The following RNGTT variants were observed in gnomAD, a reference collection of about 807,000 sequenced individuals.
The protein encoded by RNGTT is RNA guanylyltransferase and 5'-phosphatase, also known as mRNA-capping enzyme.
Under a neutral mutation model 79.3 loss-of-function variants are expected in RNGTT, and 33 were observed. The observed-to-expected ratio is 0.42, with a 90% confidence interval of 0.32 to 0.56. RNGTT has a LOEUF of 0.56. RNGTT is among the 20% of genes least tolerant of loss of function. The pLI is 0.17. For synonymous variants in RNGTT, 222 were observed against 235.9 expected (o/e 0.94, Z 0.54); for missense variants, 497 against 739.1 (o/e 0.67, Z 3.80).
chr6:88,897,978 C>T (rs1157712560), intron 6 of RNGTT, among the ~76,000 whole-genome samples: 2 of 152,088 alleles, frequency 1.3e-5, no homozygotes, highest in African/African-American at 4.8e-5. Flanking sequence ...AAAGAGAGCA[C>T]AAGAAAGCCT....
chr6:88,875,044 C>CT (rs1339646063), intron 8 of RNGTT, among the ~76,000 whole-genome samples: 1 of 151,928 alleles, frequency 6.6e-6, no homozygotes, highest in Non-Finnish European at 1.5e-5. Context: ...CCTCTAGTGT[C>CT]TTGTATTGTC....
intron 14 of RNGTT, among the ~76,000 whole-genome samples, chr6:88,617,380 C>T (rs142741778): frequency 6.7e-4 from 102 of 152,316 alleles, no homozygotes; most frequent in African/African-American, 2.4e-3. Context: ...GGTAGGGGTT[C>T]AACTTCATTC....
intron 8 of RNGTT, among the ~76,000 whole-genome samples, chr6:88,885,169 C>T (rs1274867484): frequency 6.6e-6 from 1 of 151,912 alleles, no homozygotes; most frequent in Non-Finnish European, 1.5e-5. Context: ...TCTGAGAGGG[C>T]CTAGAAGAAA....
chr6:88,727,893 C>G (rs1223030570), intron 13 of RNGTT, among the ~76,000 whole-genome samples: 1 of 152,166 alleles, frequency 6.6e-6, no homozygotes, highest in Middle Eastern at 3.2e-3. Flanking sequence ...GGTACCACCC[C>G]TAGAATTTCC....
chr6:88,645,900 C>G (rs1282420522), intron 14 of RNGTT, among the ~76,000 whole-genome samples: 1 of 152,172 alleles, frequency 6.6e-6, no homozygotes, highest in African/African-American at 2.4e-5. Context: ...CATAAAAACC[C>G]TAGAAGAAAA....
intron 8 of RNGTT, among the ~76,000 whole-genome samples, chr6:88,885,396 C>T (rs1782824047): frequency 6.6e-6 from 1 of 152,168 alleles, no homozygotes; most frequent in Non-Finnish European, 1.5e-5. Flanking sequence ...TCAAATGAGA[C>T]ATTTGGAGCA....
chr6:88,959,400 T>C (rs892962034), intron 1 of RNGTT, among the ~76,000 whole-genome samples: 7 of 152,184 alleles, frequency 4.6e-5, no homozygotes, highest in Admixed American at 3.9e-4. Flanking sequence ...GATCTCTATT[T>C]GAGCAATCAG....
At chr6:88,829,268 G>T (rs1197800003) in intron 11 of RNGTT, among the ~76,000 whole-genome samples, 1 of 152,090 alleles carries the variant, frequency 6.6e-6, no homozygotes, top group African/African-American at 2.4e-5. Flanking sequence ...TTCATATCCA[G>T]CCAACTAAGC....
intron 4 of RNGTT, among the ~76,000 whole-genome samples, chr6:88,925,205 G>A (rs1472639270): frequency 6.6e-6 from 1 of 152,066 alleles, no homozygotes; most frequent in Non-Finnish European, 1.5e-5. Context: ...CTTATTAGAT[G>A]CATGACCATG....
intron 2 of RNGTT, among the ~76,000 whole-genome samples, chr6:88,930,302 C>T (rs1784479251): frequency 6.7e-6 from 1 of 149,914 alleles, no homozygotes; most frequent in African/African-American, 2.5e-5. Flanking sequence ...TGAAAATATA[C>T]TGAAGCCTCA....
rs1778299446 is a variant in RNGTT at position 88,762,418 on chromosome 6, A to T, written c.1439+7356T>A. Among the ~76,000 whole-genome samples the T allele has an allele frequency of 2.0e-5, 3 of 152,214 alleles. No individual in the cohort carries two copies. The South Asian group carries it at 6.2e-4, about 32-fold the overall frequency. ...CATCAGAGATTTAGAATGATTTTTG[A>T]TTATCATAAATTTAATCATGTTAAA... On this transcript the variant is annotated intron_variant, in intron 13 of 15. Transcript: ENST00000369485.
chr6:88,656,018 A>C (rs1305252143), intron 14 of RNGTT, among the ~76,000 whole-genome samples: 2 of 152,238 alleles, frequency 1.3e-5, no homozygotes, highest in African/African-American at 4.8e-5. Context: ...GTAAACTATT[A>C]AACTAGAACA....
At chr6:88,691,370 T>TATAAATTACCC (rs397770681) in intron 13 of RNGTT, among the ~76,000 whole-genome samples, 1 of 152,054 alleles carries the variant, frequency 6.6e-6, no homozygotes, top group Non-Finnish European at 1.5e-5. Context: ...TACACCTCTT[T>TATAAATTACCC]ATAAATTACC....
intron 11 of RNGTT, among the ~76,000 whole-genome samples, chr6:88,807,493 CG>C (rs1226240427): frequency 6.6e-6 from 1 of 151,792 alleles, no homozygotes; most frequent in Non-Finnish European, 1.5e-5. Flanking sequence ...AAAGAAGAAA[CG>C]TACGTGGCAC....
intron 13 of RNGTT, among the ~76,000 whole-genome samples, chr6:88,695,191 C>T (rs1775619346): frequency 6.6e-6 from 1 of 152,102 alleles, no homozygotes; most frequent in African/African-American, 2.4e-5. Context: ...TAAAAACCTT[C>T]TGCACAGCAA....
chr6:88,845,691 T>C (rs1480873707), intron 10 of RNGTT, among the ~76,000 whole-genome samples: 2 of 152,190 alleles, frequency 1.3e-5, no homozygotes, highest in African/African-American at 4.8e-5. Flanking sequence ...CTTGGGGATG[T>C]CTTTTTCTCA....
chr6:88,735,227 G>A (rs1020515020), intron 13 of RNGTT, among the ~76,000 whole-genome samples: 3 of 152,096 alleles, frequency 2.0e-5, no homozygotes, highest in Admixed American at 2.0e-4. Context: ...CCACTGTTAT[G>A]TAGCTAGAAA....
rs1247043656 is a variant in RNGTT, at chr6:88,781,714, C to G, written c.1339-11840G>C. On this transcript the variant is annotated intron_variant, in intron 12 of 15. Transcript: ENST00000369485. ...TTATTCATTAGTACCCTAAAGGCAG[C>G]CTAAAGTTTTAAATCTAAAACTGAA... is the stretch of plus-strand genomic sequence containing the variant. 9.2e-5 allele frequency among the ~76,000 whole-genome samples: 14 copies of G among 152,180 alleles called. No individual in the cohort carries two copies. In the East Asian group the frequency reaches 2.5e-3, roughly 27 times the overall value.
At chr6:88,867,078 G>A (rs1020558203) in intron 8 of RNGTT, among the ~76,000 whole-genome samples, 8 of 152,262 alleles carry the variant, frequency 5.3e-5, no homozygotes, top group Admixed American at 3.9e-4. Flanking sequence ...TTCTGAATCA[G>A]AATTAGCATT....
Sources: allele counts gnomAD v4.1 joint callset (sites outside exome capture counted in the v4.1 genomes callset), GRCh38; gene constraint gnomAD v4.1.1; transcripts MANE v1.5; gene names NCBI Gene and HGNC (gene_info 2026-07-23, HGNC 2026-07-21).